SLC24A5: variants seen among roughly 807,000 people sequenced by gnomAD.
SLC24A5 encodes solute carrier family 24 member 5.
Under a neutral mutation model 51.6 loss-of-function variants are expected in SLC24A5, and 46 were observed. The ratio of observed to expected loss-of-function variants is 0.89; its 90% CI spans 0.70 to 1.14. The LOEUF (loss-of-function observed/expected upper bound fraction) is 1.14, where lower values mean the gene tolerates loss of function less well. Among genes scored for constraint, SLC24A5 ranks in the 50% most tolerant of loss-of-function variants. SLC24A5 has a pLI of 0.00. For synonymous variants in SLC24A5, 230 were observed against 214.9 expected (o/e 1.07, Z -0.62); for missense variants, 581 against 604.1 (o/e 0.96, Z 0.40).
At position 48,121,278 on chromosome 15, in the gene SLC24A5, C is replaced by T. The variant is rs572895716; in HGVS notation, c.121+113C>T. ...TTCTCAATGGGCTCACTTTTACTTACGCTTCTGAATTTTAGCATTTAAAAA... is the reference window on the plus strand; with the variant it reads ...TTCTCAATGGGCTCACTTTTACTTATGCTTCTGAATTTTAGCATTTAAAAA... On this transcript the variant is annotated intron_variant, in intron 1 of 8. Coordinates refer to ENST00000341459, the MANE Select transcript of SLC24A5 (RefSeq NM_205850.3). 9 of 1,153,796 alleles carry T rather than the reference C, an allele frequency of 7.8e-6. No individual in the cohort carries two copies. The Admixed American group carries it at 9.3e-5, about 12-fold the overall frequency. 71.5% of individuals were successfully genotyped at this position (1,153,796 alleles called of 1,614,324 possible).
chr15:48,121,787 G>A, intron 1 of SLC24A5, 70 bp from the exon 2 acceptor site: 3 of 1,485,362 alleles, frequency 2.0e-6, no homozygotes, highest in Non-Finnish European at 1.9e-6. Flanking sequence ...GATTTCTTAA[G>A]GAAGCTCTCT....
At position 48,134,444 on chromosome 15, in the gene SLC24A5, T is replaced by A. The variant is rs79694562; in HGVS notation, c.395T>A (p.Ile132Asn). Residue 132 changes from isoleucine to asparagine, a missense_variant, in exon 4 of 9, where the codon ATC (isoleucine) becomes AAC (asparagine). Physicochemically the swap from Ile to Asn is moderately radical, Grantham distance 149. Coordinates refer to ENST00000341459, the MANE Select transcript of SLC24A5 (RefSeq NM_205850.3). ...ELVTAFLGVF[I>N]TKGDIGISTI... ...ACTATCTTGCACATAGGTGTATTTA[T>A]CACAAAGGGAGATATTGGCATTAGC... The A allele has an allele frequency of 2.5e-6, 4 of 1,613,154 alleles. No homozygotes were observed. The highest frequency in any genetic ancestry group is 3.4e-6 in the Non-Finnish European group (4 of 1,179,340).
At chr15:48,129,593 T>TAA (rs2038768532) in intron 2 of SLC24A5, among the ~76,000 whole-genome samples, 1 of 152,040 alleles carries the variant, frequency 6.6e-6, no homozygotes, top group South Asian at 2.1e-4. Context: ...GTAACTATAT[T>TAA]AAAATGTGCA....
rs569067927 is a variant in SLC24A5, at chr15:48,141,195, T to G, written c.1161T>G (p.Ser387Arg). The G allele has an allele frequency of 1.2e-6, 2 of 1,613,414 alleles. No homozygotes were observed. The highest frequency in any genetic ancestry group is 3.3e-5 in the Admixed American group (2 of 59,992). Residue 387 changes from serine to arginine, a missense_variant, in exon 8 of 9, where the codon AGT becomes AGG. Ser to Arg is a moderately radical substitution (Grantham distance 110, BLOSUM62 -1). Coordinates refer to ENST00000341459, the MANE Select transcript of SLC24A5 (RefSeq NM_205850.3). The part of the protein sequence containing the change: ...AGTSIPDTIA[S>R]VLVARKGKGD... The stretch of plus-strand genomic sequence containing the variant: ...CAAGCATACCAGACACAATTGCAAG[T>G]GTGTTGGTTGCAAGAAAAGGTAAGA...
chr15:48,134,417 G>A lies in SLC24A5; in HGVS notation c.386-18G>A, dbSNP rs2038846231. The A allele has an allele frequency of 1.9e-6, 3 of 1,608,804 alleles. No homozygotes were observed. In the South Asian group the frequency reaches 3.3e-5, roughly 18 times the overall value. ...CTTCAAGTTAACACTAACTTAGCTG[G>A]TACTATCTTGCACATAGGTGTATTT... On this transcript the variant is annotated intron_variant, in intron 3 of 8. Transcript: ENST00000341459.
Position 48,142,100 on chromosome 15 carries a change from T to C in SLC24A5, c.1252T>C (p.Trp418Arg), listed in dbSNP as rs2039110629. Residue 418 changes from tryptophan to arginine, a missense_variant, in exon 9 of 9, where the codon TGG becomes CGG. Physicochemically the swap from Trp to Arg is moderately radical, Grantham distance 101. Transcript: ENST00000341459. ...TGATATGTTGTGCCTTGGTATTCCA[T>C]GGTTTATTAAAACTGCATTTATAAA... Reference protein sequence around the residue: ...VFDMLCLGIPWFIKTAFINGS... With the variant: ...VFDMLCLGIPRFIKTAFINGS... The C allele has an allele frequency of 3.7e-6, 6 of 1,613,796 alleles. No homozygotes were observed. Among genetic ancestry groups the C allele is most frequent in the Non-Finnish European group, 5.1e-6 (6 of 1,179,886 alleles).
intron 2 of SLC24A5, among the ~76,000 whole-genome samples, chr15:48,128,966 C>G (rs1025100417): frequency 1.6e-4 from 24 of 152,070 alleles, no homozygotes; most frequent in Non-Finnish European, 3.4e-4. Flanking sequence ...CATTTATTAC[C>G]TATGTGACCT....
chr15:48,135,182 T>C (rs996336758), intron 5 of SLC24A5, 198 bp downstream of exon 5: 3 of 443,430 alleles, frequency 6.8e-6, no homozygotes, highest in African/African-American at 4.0e-5. Flanking sequence ...TCTTAATCAC[T>C]TCACAGTCTC....
At chr15:48,122,370 GA>G (rs887740816) in intron 2 of SLC24A5, 2 of 420,942 alleles carry the variant, frequency 4.8e-6, no homozygotes, top group Admixed American at 8.0e-5. Context: ...CTAATACAAT[GA>G]AACTCCTAAT....
chr15:48,141,175 A>T lies in SLC24A5; in HGVS notation c.1141A>T (p.Ile381Leu). 1 of 1,614,008 alleles carries T rather than the reference A, an allele frequency of 6.2e-7. No homozygotes were observed. Among genetic ancestry groups the T allele is most frequent in the Non-Finnish European group, 8.5e-7 (1 of 1,179,880 alleles). Reference protein sequence around the residue: ...GLTLLAAGTSIPDTIASVLVA... With the variant: ...GLTLLAAGTSLPDTIASVLVA... ...TACTTTATTAGCAGCAGGAACAAGC[A>T]TACCAGACACAATTGCAAGTGTGTT... The change falls in exon 8 of 9, where the codon ATA becomes TTA. Residue 381 changes from isoleucine (I) to leucine (L), a missense_variant. By Grantham distance (5) the Ile-to-Leu change is conservative (BLOSUM62 2). Coordinates refer to ENST00000341459, the MANE Select transcript of SLC24A5 (RefSeq NM_205850.3).
chr15:48,123,864 C>A (rs544399536), intron 2 of SLC24A5: 1 of 151,982 alleles, frequency 6.6e-6, no homozygotes, highest in African/African-American at 2.4e-5. Flanking sequence ...CTTTAACCTC[C>A]CATTATTTTA....
At chr15:48,141,971 T>C in intron 8 of SLC24A5, 58 bp from the exon 9 acceptor site, 2 of 1,241,096 alleles carry the variant, frequency 1.6e-6, no homozygotes, top group Admixed American at 2.4e-5. Flanking sequence ...CTTATGAAGA[T>C]TATTAATAAA....
chr15:48,131,978 T>G (rs945183410), intron 2 of SLC24A5, among the ~76,000 whole-genome samples: 1 of 152,172 alleles, frequency 6.6e-6, no homozygotes, highest in Non-Finnish European at 1.5e-5. Flanking sequence ...GCTGGTATCA[T>G]CAGCAGACAG....
intron 2 of SLC24A5, chr15:48,123,170 T>C (rs2038697272): frequency 1.3e-5 from 2 of 151,536 alleles, no homozygotes; most frequent in African/African-American, 4.8e-5. Context: ...ATATAATATA[T>C]ATATATATGA....
At chr15:48,129,570 A>G (rs1247089010) in intron 2 of SLC24A5, among the ~76,000 whole-genome samples, 1 of 152,116 alleles carries the variant, frequency 6.6e-6, no homozygotes, top group Non-Finnish European at 1.5e-5. Flanking sequence ...CAAATTGCAT[A>G]TAGCCTATGG....
intron 2 of SLC24A5, among the ~76,000 whole-genome samples, chr15:48,132,656 G>A (rs1379425759): frequency 6.6e-6 from 1 of 152,102 alleles, no homozygotes; most frequent in Non-Finnish European, 1.5e-5. Flanking sequence ...GTGCAGCTAT[G>A]GTCAGAGGAT....
At chr15:48,138,260 C>T (rs935481595) in intron 6 of SLC24A5, 8 of 151,920 alleles carry the variant, frequency 5.3e-5, no homozygotes, top group African/African-American at 1.9e-4. Flanking sequence ...AAATGCCATA[C>T]AAATTTTGAA....
At chr15:48,137,048 G>C in intron 6 of SLC24A5, 85 bp downstream of exon 6, 1 of 1,403,988 alleles carries the variant, frequency 7.1e-7, no homozygotes, top group Non-Finnish European at 9.6e-7. Flanking sequence ...AGTATTGTGT[G>C]CTTTTTATGT....
Position 48,142,275 on chromosome 15 carries a change from T to G in SLC24A5, c.1427T>G (p.Leu476Trp), listed in dbSNP as rs1305933402. The G allele has an allele frequency of 6.2e-7, 1 of 1,613,666 alleles. No individual in the cohort carries two copies. Among genetic ancestry groups the G allele is most frequent in the South Asian group, 1.1e-5 (1 of 91,068 alleles). Residue 476 changes from leucine (L) to tryptophan (W), a missense_variant, in exon 9 of 9, where the codon TTG becomes TGG. Coordinates refer to ENST00000341459, the MANE Select transcript of SLC24A5 (RefSeq NM_205850.3). The part of the protein sequence containing the change: ...KLGIVCLLSY[L>W]GLATLSVLYE... ...GGAATAGTCTGCCTATTATCATACT[T>G]GGGGCTTGCTACATTATCAGTTCTA...
Sources: allele counts gnomAD v4.1 joint callset (sites outside exome capture counted in the v4.1 genomes callset), GRCh38; gene constraint gnomAD v4.1.1; transcripts MANE v1.5; gene names NCBI Gene and HGNC (gene_info 2026-07-23, HGNC 2026-07-21).